The following DPP10 variants were observed in gnomAD, a reference collection of about 807,000 sequenced individuals.
DPP10 encodes the protein inactive dipeptidyl peptidase 10.
A neutral mutation model predicts 120.9 loss-of-function variants in DPP10; 33 were observed. The observed-to-expected ratio is 0.27, with a 90% confidence interval of 0.21 to 0.37. DPP10 has a LOEUF of 0.37. Ranked by LOEUF, DPP10 falls within the 10% of genes least tolerant of loss-of-function variation. The pLI is 1.00. For missense variants in DPP10, 816 were observed against 942.8 expected (o/e 0.87, Z 1.76); for synonymous variants, 337 against 326.1 (o/e 1.03, Z -0.36).
chr2:114,584,008 CCTG>C (rs1181906330), intron 1 of DPP10, among the ~76,000 whole-genome samples: 2 of 152,026 alleles, frequency 1.3e-5, no homozygotes, highest in Admixed American at 1.3e-4. Context: ...AAGGTATTTA[CCTG>C]TTAAGAAATA....
At chr2:114,878,505 C>A (rs1420379566) in intron 1 of DPP10, among the ~76,000 whole-genome samples, 1 of 152,060 alleles carries the variant, frequency 6.6e-6, no homozygotes, top group Non-Finnish European at 1.5e-5. Context: ...CTCTACTGTG[C>A]TATAGAACAC....
intron 5 of DPP10, among the ~76,000 whole-genome samples, chr2:115,583,030 T>A (rs561489832): frequency 6.6e-6 from 1 of 152,340 alleles, no homozygotes; most frequent in East Asian, 1.9e-4. Context: ...TTTTGATGAA[T>A]AAGAAAGCCT....
At chr2:114,748,385 T>C (rs1309850798) in intron 1 of DPP10, among the ~76,000 whole-genome samples, 1 of 143,318 alleles carries the variant, frequency 7.0e-6, no homozygotes, top group Non-Finnish European at 1.5e-5. Flanking sequence ...TTTATTTATT[T>C]ATTTATTTAT....
chr2:114,887,004 C>T (rs931043072), intron 1 of DPP10, among the ~76,000 whole-genome samples: 4 of 152,160 alleles, frequency 2.6e-5, no homozygotes, highest in Non-Finnish European at 5.9e-5. Context: ...TTATATTTTG[C>T]TTTAATTGCC....
intron 1 of DPP10, among the ~76,000 whole-genome samples, chr2:114,985,141 C>G (rs1700317948): frequency 6.6e-6 from 1 of 152,208 alleles, no homozygotes; most frequent in South Asian, 2.1e-4. Context: ...CCACCTCCTC[C>G]CATCATGCTT....
chr2:114,888,899 T>C lies in DPP10; in HGVS notation c.61-420340T>C, dbSNP rs577386858. Among the ~76,000 whole-genome samples, 67 of 152,272 alleles carry C rather than the reference T, an allele frequency of 4.4e-4. 2 individuals carry two copies. Among genetic ancestry groups the C allele is most frequent in the Admixed American group, 3.9e-3 (59 of 15,298 alleles). Reference sequence around the variant, plus strand: ...CTCATAGCCCTTGTCATGGACTGAATTGTGCCCCTCCCAAATTCGTGTGTT... The same window carrying C: ...CTCATAGCCCTTGTCATGGACTGAACTGTGCCCCTCCCAAATTCGTGTGTT... On this transcript the variant is annotated intron_variant, in intron 1 of 25. Coordinates refer to ENST00000410059, the MANE Select transcript of DPP10 (RefSeq NM_020868.6).
chr2:114,516,438 T>C (rs1019912517), intron 1 of DPP10, among the ~76,000 whole-genome samples: 2 of 152,210 alleles, frequency 1.3e-5, no homozygotes, highest in Non-Finnish European at 2.9e-5. Context: ...TTTAGCTACT[T>C]CTGCAGCTCT....
In DPP10 at chr2:114,598,218, T is replaced by C. The variant is rs546638376; in HGVS notation, c.60+155380T>C. 4.5e-4 allele frequency among the ~76,000 whole-genome samples: 69 copies of C among 152,082 alleles called. No individual in the cohort carries two copies. The Middle Eastern group carries it at 0.017, about 37-fold the overall frequency. On this transcript the variant is annotated intron_variant, in intron 1 of 25. Transcript: ENST00000410059. ...CAGGGCTAAAGTGGCTAACTTGTTCTACATTTTAGAGAAACTTGTTTTAAT... is the reference window on the plus strand; with the variant it reads ...CAGGGCTAAAGTGGCTAACTTGTTCCACATTTTAGAGAAACTTGTTTTAAT...
At chr2:114,656,817 T>C (rs1479231782) in intron 1 of DPP10, among the ~76,000 whole-genome samples, 1 of 152,206 alleles carries the variant, frequency 6.6e-6, no homozygotes, top group East Asian at 1.9e-4. Flanking sequence ...CTTAATTCTA[T>C]TGCTACTTTC....
At chr2:114,519,247 T>C (rs193241162) in intron 1 of DPP10, among the ~76,000 whole-genome samples, 1,780 of 152,324 alleles carry the variant, frequency 0.012, 29 homozygotes, top group African/African-American at 0.04. Context: ...AGAGAAACTT[T>C]GCCAGCCACT....
At chr2:114,895,926 G>T (rs986620954) in intron 1 of DPP10, among the ~76,000 whole-genome samples, 1 of 152,120 alleles carries the variant, frequency 6.6e-6, no homozygotes, top group African/African-American at 2.4e-5. Flanking sequence ...TGTAAGGAAG[G>T]GATCCAGTTT....
intron 9 of DPP10, among the ~76,000 whole-genome samples, chr2:115,743,301 C>G (rs1228269319): frequency 6.6e-6 from 1 of 152,070 alleles, no homozygotes; most frequent in Non-Finnish European, 1.5e-5. Flanking sequence ...TGGAGGCAGC[C>G]TAACGCTTAG....
At chr2:115,735,560 GC>G (rs1391331376) in intron 8 of DPP10, among the ~76,000 whole-genome samples, 11 of 149,348 alleles carry the variant, frequency 7.4e-5, no homozygotes, top group Non-Finnish European at 1.0e-4. Context: ...TTGCTCTGTT[GC>G]CCAAGCTGGA....
Position 115,082,790 on chromosome 2 carries a change from C to T in DPP10, c.61-226449C>T, listed in dbSNP as rs1002169455. Among the ~76,000 whole-genome samples the T allele has an allele frequency of 1.3e-5, 2 of 152,300 alleles. 1 individual carries two copies. Among genetic ancestry groups the T allele is most frequent in the Admixed American group, 1.3e-4 (2 of 15,294 alleles). On this transcript the variant is annotated intron_variant, in intron 1 of 25. Coordinates refer to ENST00000410059, the MANE Select transcript of DPP10 (RefSeq NM_020868.6). ...CTGAGAGGAACCAGTGTGGCCCAGACTAGAACCACTCAGTGAAATTCACAC... is the reference window on the plus strand; with the variant it reads ...CTGAGAGGAACCAGTGTGGCCCAGATTAGAACCACTCAGTGAAATTCACAC...
At chr2:115,228,560 C>T (rs967423159) in intron 1 of DPP10, among the ~76,000 whole-genome samples, 7 of 152,148 alleles carry the variant, frequency 4.6e-5, no homozygotes, top group African/African-American at 1.4e-4. Flanking sequence ...TCATTCTACT[C>T]TCTATCTCTG....
chr2:114,838,730 A>G (rs1055863184), intron 1 of DPP10, among the ~76,000 whole-genome samples: 1 of 152,170 alleles, frequency 6.6e-6, no homozygotes, highest in African/African-American at 2.4e-5. Context: ...GGCATATTTG[A>G]GGGGTTACCA....
intron 1 of DPP10, among the ~76,000 whole-genome samples, chr2:115,063,689 G>C (rs994400077): frequency 6.6e-6 from 1 of 152,132 alleles, no homozygotes; most frequent in African/African-American, 2.4e-5. Context: ...TTTAATAAAT[G>C]GTGCTGGGAG....
intron 7 of DPP10, among the ~76,000 whole-genome samples, chr2:115,710,335 A>G (rs774482463): frequency 1.3e-5 from 2 of 152,152 alleles, no homozygotes; most frequent in Non-Finnish European, 2.9e-5. Context: ...GTATGGGGGT[A>G]TGTATGTCTG....
intron 20 of DPP10, 70 bp from the exon 21 acceptor site, chr2:115,815,605 T>C: frequency 7.3e-7 from 1 of 1,367,960 alleles, no homozygotes; most frequent in Non-Finnish European, 1.0e-6. Flanking sequence ...TATGTATGCA[T>C]GCCAACTATA....
Sources: allele counts gnomAD v4.1 joint callset (sites outside exome capture counted in the v4.1 genomes callset), GRCh38; gene constraint gnomAD v4.1.1; transcripts MANE v1.5; gene names NCBI Gene and HGNC (gene_info 2026-07-23, HGNC 2026-07-21).